The following PPARA variants were observed in gnomAD, a reference collection of about 807,000 sequenced individuals.
PPARA encodes peroxisome proliferator activated receptor alpha.
PPARA carries 22 observed loss-of-function variants against 42.2 expected under a neutral mutation model. The observed-to-expected ratio is 0.52, with a 90% confidence interval of 0.37 to 0.74. The LOEUF is 0.74. Among genes scored for constraint, PPARA ranks in the 30% least tolerant of loss-of-function variants. PPARA has a pLI of 0.00. For missense variants in PPARA, 465 were observed against 608.2 expected (o/e 0.76, Z 2.48); for synonymous variants, 242 against 239.3 (o/e 1.01, Z -0.10).
chr22:46,162,581 T>G lies in PPARA; in HGVS notation c.-127+10611T>G, dbSNP rs1290187697. Among the ~76,000 whole-genome samples, 1 of 152,176 alleles carries G rather than the reference T, an allele frequency of 6.6e-6. No homozygotes were observed. Among genetic ancestry groups the G allele is most frequent in the African/African-American group, 2.4e-5 (1 of 41,454 alleles). ...TTTCGTGCACTCAGGCAGTGTTTAT[T>G]CAAGTGATGGCTTGGTGACAGTGGC... On this transcript the variant is annotated intron_variant, in intron 2 of 8. Transcript: ENST00000407236. The surrounding 1 kb of genome is among the most constrained non-coding windows in gnomAD (Gnocchi z 6.0).
At chr22:46,166,274 T>G (rs9627047) in intron 2 of PPARA, among the ~76,000 whole-genome samples, 28,451 of 152,048 alleles carry the variant, frequency 0.19, 3,116 homozygotes, top group African/African-American at 0.32. Flanking sequence ...GCATATGGTT[T>G]TGTCTACTCT....
rs1041562755 is a variant in PPARA at position 46,239,878 on chromosome 22, T to C, written c.*4498T>C. 7 of 297,544 alleles carry C rather than the reference T, an allele frequency of 2.4e-5. No homozygotes were observed. Among genetic ancestry groups the C allele is most frequent in the Non-Finnish European group, 3.7e-5 (6 of 162,534 alleles). 18.4% of individuals were successfully genotyped at this position (297,544 alleles called of 1,614,324 possible). A position where few individuals can be genotyped will look rare whatever the true frequency, so the allele number is the denominator to read the frequency against. ...TCAAACTCCCATTTTCAAACCACTG[T>C]ATCTCTGCGCACATCTGCTACTTAC... On this transcript the variant is annotated 3_prime_UTR_variant, in exon 9 of 9. Transcript: ENST00000407236.
At position 46,224,767 on chromosome 22, in the gene PPARA, C is replaced by T. The variant is rs923510481; in HGVS notation, c.711+4753C>T. On this transcript the variant is annotated intron_variant, in intron 7 of 8. Coordinates refer to ENST00000407236, the MANE Select transcript of PPARA (RefSeq NM_005036.6). The surrounding 1 kb of genome is among the most constrained non-coding windows in gnomAD (Gnocchi z 5.7). The stretch of plus-strand genomic sequence containing the variant: ...CCTGCAGGGGCTGCTGGGGTGAAAG[C>T]AACCCTGAAATGTTCAAAGCCTTGA... 6.6e-6 allele frequency among the ~76,000 whole-genome samples: 1 copy of T among 152,202 alleles called. No homozygotes were observed. Among genetic ancestry groups the T allele is most frequent in the Non-Finnish European group, 1.5e-5 (1 of 68,034 alleles).
At chr22:46,201,124 CAAAAAAA>C (rs1361052121) in intron 4 of PPARA, among the ~76,000 whole-genome samples, 2 of 61,726 alleles carry the variant, frequency 3.2e-5, no homozygotes, top group Non-Finnish European at 7.3e-5. Flanking sequence ...GATTCCGTCT[CAAAAAAA>C]AAAAAAAAAA....
At chr22:46,153,163 C>CTTTTTTTT (rs996863467) in intron 2 of PPARA, among the ~76,000 whole-genome samples, 175 of 109,194 alleles carry the variant, frequency 1.6e-3, no homozygotes, top group Middle Eastern at 5.9e-3. Flanking sequence ...TTCCCACATC[C>CTTTTTTTT]TTTTTTTTTT....
chr22:46,151,403 C>G (rs1601577846), intron 1 of PPARA, among the ~76,000 whole-genome samples: 1 of 152,214 alleles, frequency 6.6e-6, no homozygotes, highest in South Asian at 2.1e-4. Context: ...CCGGGCTGCG[C>G]GGCCCGCGTG....
chr22:46,215,225 C>T lies in PPARA; in HGVS notation c.261C>T (p.Pro87=). Residue 87 remains proline (P), a synonymous_variant, in exon 5 of 9, where the codon CCC becomes CCT. Coordinates refer to ENST00000407236, the MANE Select transcript of PPARA (RefSeq NM_005036.6). ...CCTCGGTGACTTATCCTGTGGTCCC[C>T]GGCAGCGTGGACGAGTCTCCCAGTG... ...SPSSVTYPVV[P]GSVDESPSGA... The T allele has an allele frequency of 1.2e-6, 2 of 1,614,124 alleles. No individual in the cohort carries two copies. Among genetic ancestry groups the T allele is most frequent in the Non-Finnish European group, 1.7e-6 (2 of 1,180,022 alleles).
rs948319491 is a variant in PPARA, at chr22:46,198,254, GAATA to G, written c.-42-74_-42-71del. On this transcript the variant is annotated intron_variant, in intron 3 of 8. Coordinates refer to ENST00000407236, the MANE Select transcript of PPARA (RefSeq NM_005036.6). ...CTCTGTCTCAAAAAAAAAAAAAAAA[GAATA>G]AATAAATAAATAATAAAAAATAAAA... The G allele has an allele frequency of 7.1e-4, 244 of 345,220 alleles. 1 individual carries two copies. Among genetic ancestry groups the G allele is most frequent in the Non-Finnish European group, 9.4e-4 (208 of 221,712 alleles). The allele number at this position is 345,220 out of a possible 1,614,324, so 21.4% of individuals were successfully genotyped here.
rs530696979 is a variant in PPARA, at chr22:46,177,127, C to T, written c.-43+291C>T. Among the ~76,000 whole-genome samples, 18 of 152,166 alleles carry T rather than the reference C, an allele frequency of 1.2e-4. No individual in the cohort carries two copies. In the East Asian group the frequency reaches 3.3e-3, roughly 28 times the overall value. On this transcript the variant is annotated intron_variant, in intron 3 of 8. Coordinates refer to ENST00000407236, the MANE Select transcript of PPARA (RefSeq NM_005036.6). ...TCAGGAGGCTGAGGCAGGAGAATGGCGTGAACACAGGAGGCAGAGCTTGCA... is the reference window on the plus strand; with the variant it reads ...TCAGGAGGCTGAGGCAGGAGAATGGTGTGAACACAGGAGGCAGAGCTTGCA...
rs933303800 is a variant in PPARA, at chr22:46,231,161, A to G, written c.712-631A>G. ...AACGTCCACCTCCCAGGTTCAAGCG[A>G]TTCTCCTGCCTCAGCCTCCCGAGTA... On this transcript the variant is annotated intron_variant, in intron 7 of 8. Coordinates refer to ENST00000407236, the MANE Select transcript of PPARA (RefSeq NM_005036.6). The surrounding 1 kb of genome is among the most constrained non-coding windows in gnomAD (Gnocchi z 7.7). 4.6e-5 allele frequency among the ~76,000 whole-genome samples: 7 copies of G among 151,580 alleles called. No individual in the cohort carries two copies. The highest frequency in any genetic ancestry group is 8.8e-5 in the Non-Finnish European group (6 of 67,964).
intron 2 of PPARA, among the ~76,000 whole-genome samples, chr22:46,152,990 G>T (rs1743334227): frequency 6.6e-6 from 1 of 152,204 alleles, no homozygotes; most frequent in Non-Finnish European, 1.5e-5. Context: ...AGAAACTGAG[G>T]CAGGAGAATC....
intron 2 of PPARA, among the ~76,000 whole-genome samples, chr22:46,168,695 C>T (rs916045477): frequency 3.3e-5 from 5 of 151,812 alleles, no homozygotes; most frequent in African/African-American, 1.2e-4. Context: ...TCATTAGTCA[C>T]TAGGGAAATG....
In PPARA at chr22:46,182,751, AT is replaced by A. The variant is rs1214971582; in HGVS notation, c.-43+5919del. On this transcript the variant is annotated intron_variant, in intron 3 of 8. Coordinates refer to ENST00000407236, the MANE Select transcript of PPARA (RefSeq NM_005036.6). This position sits in a 1 kb window ranked among gnomAD's most constrained non-coding sequence, Gnocchi z 5.2. ...AGCTTTCTTTTGTTGTTTTGTTTTT[AT>A]TTTATTTTTTGAGACAGAGTCTCGC... Among the ~76,000 whole-genome samples, 3 of 151,924 alleles carry A rather than the reference AT, an allele frequency of 2.0e-5. No homozygotes were observed. The highest frequency in any genetic ancestry group is 4.4e-5 in the Non-Finnish European group (3 of 67,960).
rs1306200602 is a variant in PPARA, at chr22:46,241,199, G to A, written c.*5819G>A. 2 of 152,200 alleles carry A rather than the reference G, an allele frequency of 1.3e-5. No individual in the cohort carries two copies. The highest frequency in any genetic ancestry group is 2.9e-5 in the Non-Finnish European group (2 of 68,042). 9.4% of individuals were successfully genotyped at this position (152,200 alleles called of 1,614,324 possible). ...TCTATGACTGGGTTCCAAAGTTGAG[G>A]CCTAGGTTTTTGCTGGGATTTAGAT... On this transcript the variant is annotated 3_prime_UTR_variant, in exon 9 of 9. Transcript: ENST00000407236. The surrounding 1 kb of genome is among the most constrained non-coding windows in gnomAD (Gnocchi z 5.7).
intron 3 of PPARA, among the ~76,000 whole-genome samples, chr22:46,194,258 T>G (rs1008962671): frequency 6.6e-6 from 1 of 152,218 alleles, no homozygotes; most frequent in African/African-American, 2.4e-5. Flanking sequence ...TCACTCTATA[T>G]AGAGATTGTA....
At chr22:46,206,281 TG>T (rs1933297032) in intron 4 of PPARA, among the ~76,000 whole-genome samples, 1 of 152,002 alleles carries the variant, frequency 6.6e-6, no homozygotes, top group African/African-American at 2.4e-5. Flanking sequence ...TGTGTGTGTG[TG>T]TGTGTGTGTA....
rs4253798 is a variant in PPARA, at chr22:46,232,387, G to A, written c.1159+148G>A. 6,801 of 742,986 alleles carry A rather than the reference G, an allele frequency of 9.2e-3. 52 individuals carry two copies. The highest frequency in any genetic ancestry group is 0.011 in the Non-Finnish European group (4,651 of 418,514). The allele number at this position is 742,986 out of a possible 1,614,324, so 46.0% of individuals were successfully genotyped here. On this transcript the variant is annotated intron_variant, in intron 8 of 8. Coordinates refer to ENST00000407236, the MANE Select transcript of PPARA (RefSeq NM_005036.6). The surrounding 1 kb of genome is among the most constrained non-coding windows in gnomAD (Gnocchi z 5.3). Reference sequence around the variant, plus strand: ...GGAAGACGTCTGACCCCCAGTCACTGCTGAGAATTCAGTGGGAATTATAAC... The same window carrying A: ...GGAAGACGTCTGACCCCCAGTCACTACTGAGAATTCAGTGGGAATTATAAC...
chr22:46,234,485 C>G lies in PPARA; in HGVS notation c.1160-648C>G, dbSNP rs898616679. On this transcript the variant is annotated intron_variant, in intron 8 of 8. Transcript: ENST00000407236. The surrounding 1 kb of genome is among the most constrained non-coding windows in gnomAD (Gnocchi z 5.8). ...GATGTCTAGTGCCAGCTACCCCAGG[C>G]AGGTCATCTGGTGTGAATGTTGACT... Among the ~76,000 whole-genome samples, 5 of 152,092 alleles carry G rather than the reference C, an allele frequency of 3.3e-5. No individual in the cohort carries two copies. The highest frequency in any genetic ancestry group is 4.8e-5 in the African/African-American group (2 of 41,418).
At chr22:46,176,079 CA>C (rs1929002447) in intron 2 of PPARA, 1 of 152,250 alleles carries the variant, frequency 6.6e-6, no homozygotes, top group Non-Finnish European at 1.5e-5. Flanking sequence ...GCAGAGGTTG[CA>C]AGGAGCCGAA....
Sources: allele counts gnomAD v4.1 joint callset (sites outside exome capture counted in the v4.1 genomes callset), GRCh38; gene constraint gnomAD v4.1.1; non-coding constraint Gnocchi (gnomAD v3.1); transcripts MANE v1.5; gene names NCBI Gene and HGNC (gene_info 2026-07-23, HGNC 2026-07-21).